The following BATF variants were observed in gnomAD, a reference collection of about 807,000 sequenced individuals.
The protein encoded by BATF is basic leucine zipper ATF-like transcription factor.
In BATF, 5 loss-of-function variants were observed where a neutral mutation model predicts 13.7. The observed-to-expected ratio is 0.36, with a 90% confidence interval of 0.19 to 0.77. The LOEUF (loss-of-function observed/expected upper bound fraction) is 0.77. Among genes scored for constraint, BATF ranks in the 30% least tolerant of loss-of-function variants. BATF has a pLI of 0.51. For synonymous variants in BATF, 72 were observed against 67.5 expected (o/e 1.07, Z -0.33); for missense variants, 124 against 163.0 (o/e 0.76, Z 1.30).
intron 2 of BATF, among the ~76,000 whole-genome samples, chr14:75,539,337 C>T (rs957918863): frequency 7.9e-5 from 12 of 151,798 alleles, no homozygotes; most frequent in Non-Finnish European, 1.5e-4. Flanking sequence ...TCACCTCCCT[C>T]CCGCCCATCA....
chr14:75,544,792 ATTTTTTTTTT>A (rs55834315), intron 2 of BATF, among the ~76,000 whole-genome samples: 1 of 134,194 alleles, frequency 7.5e-6, no homozygotes, highest in Non-Finnish European at 1.6e-5. Flanking sequence ...TTGAACTGAA[ATTTTTTTTTT>A]TTTTTTTTTT....
chr14:75,542,666 A>G (rs1887914532), intron 2 of BATF, among the ~76,000 whole-genome samples: 2 of 152,230 alleles, frequency 1.3e-5, no homozygotes, highest in Admixed American at 6.5e-5. Flanking sequence ...CCTTTCTCTC[A>G]TAAGTGTCAG....
rs528917989 is a variant in BATF, at chr14:75,527,709, G to T, written c.168+2521G>T. Among the ~76,000 whole-genome samples the T allele has an allele frequency of 2.6e-5, 4 of 152,242 alleles. No individual in the cohort carries two copies. In the South Asian group the frequency reaches 8.3e-4, roughly 32 times the overall value. On this transcript the variant is annotated intron_variant, in intron 2 of 2. Transcript: ENST00000286639. ...TCTCTAGAGCTTGAGGGTCCACAGA[G>T]CCCCAAGTCATATAGTCAACATATC...
intron 2 of BATF, among the ~76,000 whole-genome samples, chr14:75,543,785 C>T (rs965886296): frequency 3.3e-5 from 5 of 151,240 alleles, no homozygotes; most frequent in African/African-American, 7.3e-5. Flanking sequence ...GAGCTGAGAT[C>T]GCACCATTGT....
intron 2 of BATF, among the ~76,000 whole-genome samples, chr14:75,531,517 G>T (rs968231347): frequency 6.6e-6 from 1 of 152,224 alleles, no homozygotes; most frequent in Non-Finnish European, 1.5e-5. Flanking sequence ...AGCCAAGTTT[G>T]AAAGCTTGAG....
intron 1 of BATF, 122 bp from the exon 2 acceptor site, chr14:75,524,962 G>T: frequency 1.3e-6 from 1 of 756,922 alleles, no homozygotes; most frequent in Non-Finnish European, 2.2e-6. Flanking sequence ...GAGGGATGGA[G>T]GGTTCATGCA....
chr14:75,525,022 G>C, intron 1 of BATF, 62 bp from the exon 2 acceptor site: 2 of 1,399,814 alleles, frequency 1.4e-6, no homozygotes, highest in Non-Finnish European at 2.0e-6. Context: ...CACCACCAGA[G>C]CCTGCTTTCA....
chr14:75,543,689 T>C lies in BATF; in HGVS notation c.169-2773T>C, dbSNP rs545953036. Among the ~76,000 whole-genome samples the C allele has an allele frequency of 2.7e-3, 418 of 152,218 alleles. 1 individual carries two copies. The highest frequency in any genetic ancestry group is 4.7e-3 in the Non-Finnish European group (317 of 68,014). ...GTGCTCCATAGCTAATTTTCTTTTA[T>C]TTTTATTATTGTAGATACTGGGTCT... On this transcript the variant is annotated intron_variant, in intron 2 of 2. Transcript: ENST00000286639.
chr14:75,533,100 G>C (rs1292248988), intron 2 of BATF, among the ~76,000 whole-genome samples: 1 of 152,092 alleles, frequency 6.6e-6, no homozygotes, highest in Non-Finnish European at 1.5e-5. Context: ...TACCGATGAC[G>C]GGTCGGCATG....
chr14:75,543,872 G>A (rs540176421), intron 2 of BATF, among the ~76,000 whole-genome samples: 57 of 151,834 alleles, frequency 3.8e-4, no homozygotes, highest in Non-Finnish European at 6.5e-4. Context: ...GGGCTCAAGC[G>A]ATCCTCTCAC....
At chr14:75,528,196 A>G (rs1380155097) in intron 2 of BATF, among the ~76,000 whole-genome samples, 1 of 152,218 alleles carries the variant, frequency 6.6e-6, no homozygotes, top group Non-Finnish European at 1.5e-5. Context: ...CTCGCCTACC[A>G]GTGCTTTACA....
chr14:75,531,089 A>G (rs527784095), intron 2 of BATF, among the ~76,000 whole-genome samples: 2 of 152,332 alleles, frequency 1.3e-5, no homozygotes, highest in East Asian at 3.9e-4. Flanking sequence ...TAATTTTGAC[A>G]TCAAACATTG....
At chr14:75,524,653 G>C (rs950516440) in intron 1 of BATF, among the ~76,000 whole-genome samples, 1 of 152,128 alleles carries the variant, frequency 6.6e-6, no homozygotes, top group Non-Finnish European at 1.5e-5. Context: ...CCAGAGGTTG[G>C]CATATAGTAG....
rs181580255 is a variant in BATF at position 75,543,817 on chromosome 14, C to A, written c.169-2645C>A. Among the ~76,000 whole-genome samples the A allele has an allele frequency of 1.1e-4, 16 of 150,888 alleles. No individual in the cohort carries two copies. In the East Asian group the frequency reaches 2.9e-3, roughly 28 times the overall value. Reference sequence around the variant, plus strand: ...TTGTACTCCAGCCTGGGAGACAGAGCAAGACTGTCTCAAAAAAAAAAACCC... The same window carrying A: ...TTGTACTCCAGCCTGGGAGACAGAGAAAGACTGTCTCAAAAAAAAAAACCC... On this transcript the variant is annotated intron_variant, in intron 2 of 2. Transcript: ENST00000286639.
intron 2 of BATF, among the ~76,000 whole-genome samples, chr14:75,541,607 G>A (rs981376180): frequency 1.1e-4 from 17 of 152,310 alleles, no homozygotes; most frequent in South Asian, 4.1e-4. Context: ...CACCAAAACC[G>A]AGACCCAGCT....
At chr14:75,531,627 G>T (rs924103371) in intron 2 of BATF, among the ~76,000 whole-genome samples, 2 of 152,178 alleles carry the variant, frequency 1.3e-5, no homozygotes, top group African/African-American at 4.8e-5. Flanking sequence ...AGGTTTACAG[G>T]CTCCAGGGAT....
chr14:75,532,399 C>A (rs938740818), intron 2 of BATF, among the ~76,000 whole-genome samples: 7 of 152,060 alleles, frequency 4.6e-5, no homozygotes, highest in Admixed American at 3.9e-4. Context: ...ATCCATTGTA[C>A]AATTGATATC....
chr14:75,532,559 A>G (rs1887751271), intron 2 of BATF, among the ~76,000 whole-genome samples: 1 of 152,228 alleles, frequency 6.6e-6, no homozygotes, highest in Admixed American at 6.5e-5. Context: ...TTTCACAGGA[A>G]TTACCTTTGA....
chr14:75,532,197 T>G (rs1887744530), intron 2 of BATF, among the ~76,000 whole-genome samples: 1 of 152,174 alleles, frequency 6.6e-6, no homozygotes, highest in African/African-American at 2.4e-5. Context: ...TCCTAACCAT[T>G]AAGTTTTACT....
Sources: gnomAD v4.1 joint callset for allele counts (sites outside exome capture counted in the v4.1 genomes callset) on GRCh38, gnomAD v4.1.1 for gene constraint, MANE v1.5 for transcripts, NCBI Gene and HGNC (gene_info 2026-07-23, HGNC 2026-07-21) for gene names.